Variants in CFAP299 observed in about 807,000 individuals in gnomAD.
CFAP299 encodes the protein cilia- and flagella-associated protein 299.
A neutral mutation model predicts 27.0 loss-of-function variants in CFAP299; 21 were observed. That is an observed-to-expected ratio of 0.78 (90% CI 0.55 to 1.12). The LOEUF (loss-of-function observed/expected upper bound fraction) is 1.12. CFAP299 is among the 50% of genes most tolerant of loss of function. The pLI is 0.00. For synonymous variants in CFAP299, 104 were observed against 98.1 expected (o/e 1.06, Z -0.36); for missense variants, 310 against 276.6 (o/e 1.12, Z -0.86).
chr4:80,933,306 C>T, intron 4 of CFAP299, among the ~76,000 whole-genome samples: 1 of 152,052 alleles, frequency 6.6e-6, no homozygotes, highest in East Asian at 1.9e-4. Flanking sequence ...TCACTTCATC[C>T]TCCCAGCACC....
intron 4 of CFAP299, among the ~76,000 whole-genome samples, chr4:80,936,594 C>T (rs1736901857): frequency 3.9e-5 from 6 of 151,944 alleles, no homozygotes. Flanking sequence ...GATGAGAACT[C>T]ATGGCAAAAA....
intron 3 of CFAP299, among the ~76,000 whole-genome samples, chr4:80,800,014 AAT>A (rs1396715934): frequency 3.3e-5 from 2 of 61,120 alleles, no homozygotes; most frequent in African/African-American, 7.0e-5. Context: ...TATAATAAGT[AAT>A]ATATATTATA....
At chr4:80,405,665 G>A (rs1311888337) in intron 2 of CFAP299, among the ~76,000 whole-genome samples, 1 of 151,648 alleles carries the variant, frequency 6.6e-6, no homozygotes, top group Admixed American at 6.6e-5. Flanking sequence ...ATATTGTTTG[G>A]TATTATTAGT....
intron 2 of CFAP299, among the ~76,000 whole-genome samples, chr4:80,550,987 A>T (rs1171909697): frequency 6.6e-6 from 1 of 152,184 alleles, no homozygotes; most frequent in African/African-American, 2.4e-5. Context: ...ATTGTTAAAG[A>T]TGGATAATTG....
chr4:80,423,978 C>G (rs11724838), intron 2 of CFAP299, among the ~76,000 whole-genome samples: 29,164 of 152,132 alleles, frequency 0.19, 2,971 homozygotes, highest in South Asian at 0.29. Flanking sequence ...TGCAGGTGGT[C>G]CTTCCGGGTG....
At chr4:80,759,814 T>C (rs1218691939) in intron 3 of CFAP299, among the ~76,000 whole-genome samples, 1 of 152,174 alleles carries the variant, frequency 6.6e-6, no homozygotes, top group Admixed American at 6.6e-5. Flanking sequence ...ATCTAACTAA[T>C]TCCAAGACAA....
intron 2 of CFAP299, among the ~76,000 whole-genome samples, chr4:80,501,628 T>G (rs1731751271): frequency 6.6e-6 from 1 of 150,850 alleles, no homozygotes; most frequent in Non-Finnish European, 1.5e-5. Context: ...TTAGAAGATA[T>G]TTTTTCATGT....
chr4:80,916,831 A>C (rs930529637), intron 4 of CFAP299, among the ~76,000 whole-genome samples: 3 of 152,138 alleles, frequency 2.0e-5, no homozygotes, highest in Non-Finnish European at 4.4e-5. Flanking sequence ...ATTCATTTTG[A>C]AATGGTGATA....
chr4:80,643,293 A>G (rs1739823283), intron 3 of CFAP299, among the ~76,000 whole-genome samples: 1 of 152,040 alleles, frequency 6.6e-6, no homozygotes, highest in African/African-American at 2.4e-5. Flanking sequence ...CTTTTGAGAG[A>G]GGTGTGGTGA....
intron 3 of CFAP299, among the ~76,000 whole-genome samples, chr4:80,828,577 C>T (rs1730121517): frequency 6.6e-6 from 1 of 151,890 alleles, no homozygotes; most frequent in African/African-American, 2.4e-5. Flanking sequence ...GTTCTCATGA[C>T]ATCTGGTCAT....
Position 80,936,067 on chromosome 4 carries a change from G to A in CFAP299, c.477-8743G>A, listed in dbSNP as rs950601192. On this transcript the variant is annotated intron_variant, in intron 4 of 5. Transcript: ENST00000358105. ...TATTAAAAAGTCAAAACAAAATTAG[G>A]TTGGTGCAAAATTGTAGCTTTTACC... Among the ~76,000 whole-genome samples, 13 of 151,966 alleles carry A rather than the reference G, an allele frequency of 8.6e-5. No individual in the cohort carries two copies. The South Asian group carries it at 1.7e-3, about 19-fold the overall frequency.
intron 3 of CFAP299, among the ~76,000 whole-genome samples, chr4:80,776,124 A>C (rs1245015340): frequency 1.3e-5 from 2 of 152,144 alleles, no homozygotes; most frequent in African/African-American, 2.4e-5. Context: ...CTGCAAGGTA[A>C]TAGAGGCTTT....
chr4:80,694,102 A>G (rs962696339), intron 3 of CFAP299, among the ~76,000 whole-genome samples: 10 of 152,218 alleles, frequency 6.6e-5, no homozygotes, highest in African/African-American at 2.2e-4. Flanking sequence ...ACAATTTAAT[A>G]TTGGAAATAC....
At chr4:80,433,659 G>A (rs1001534370) in intron 2 of CFAP299, among the ~76,000 whole-genome samples, 11 of 151,998 alleles carry the variant, frequency 7.2e-5, no homozygotes, top group Non-Finnish European at 1.3e-4. Flanking sequence ...TAAGTATGGA[G>A]TATTTGGCTA....
In CFAP299 at chr4:80,357,593, A is replaced by G. The variant is rs1723337811; in HGVS notation, c.112-5161A>G. Among the ~76,000 whole-genome samples, 3 of 152,184 alleles carry G rather than the reference A, an allele frequency of 2.0e-5. No individual in the cohort carries two copies. The South Asian group carries it at 6.2e-4, about 32-fold the overall frequency. On this transcript the variant is annotated intron_variant, in intron 1 of 5. Coordinates refer to ENST00000358105, the MANE Select transcript of CFAP299 (RefSeq NM_152770.3). ...TGTTTATTTGTCCATTAATTTACCC[A>G]TTTCATCTAGATTTTCTAGTTTATG...
intron 3 of CFAP299, among the ~76,000 whole-genome samples, chr4:80,605,058 A>G (rs1737584808): frequency 6.6e-6 from 1 of 152,220 alleles, no homozygotes; most frequent in Admixed American, 6.5e-5. Context: ...GGGGGCTCAC[A>G]AGGTAAGTTC....
chr4:80,528,242 G>A (rs1017531696), intron 2 of CFAP299, among the ~76,000 whole-genome samples: 4 of 151,640 alleles, frequency 2.6e-5, no homozygotes, highest in Non-Finnish European at 4.4e-5. Context: ...GAGCCCATGA[G>A]ACCCTCCTTC....
chr4:80,734,776 AG>A (rs1183158535), intron 3 of CFAP299, among the ~76,000 whole-genome samples: 1 of 151,990 alleles, frequency 6.6e-6, no homozygotes, highest in Admixed American at 6.6e-5. Context: ...AGTTCACTGT[AG>A]TGTGTGGATT....
At chr4:80,861,648 GCA>G (rs1732372098) in intron 3 of CFAP299, among the ~76,000 whole-genome samples, 1 of 152,126 alleles carries the variant, frequency 6.6e-6, no homozygotes, top group South Asian at 2.1e-4. Flanking sequence ...TAGAATTTCA[GCA>G]CAGTTATTTC....
Sources: allele counts gnomAD v4.1 joint callset (sites outside exome capture counted in the v4.1 genomes callset), GRCh38; gene constraint gnomAD v4.1.1; transcripts MANE v1.5; gene names NCBI Gene and HGNC (gene_info 2026-07-23, HGNC 2026-07-21).